The following NKAIN2 variants were observed in gnomAD, a reference collection of about 807,000 sequenced individuals.
NKAIN2 encodes sodium/potassium-transporting ATPase subunit beta-1-interacting protein 2.
In NKAIN2, 14 loss-of-function variants were observed where a neutral mutation model predicts 32.6. The observed-to-expected ratio is 0.43, with a 90% confidence interval of 0.28 to 0.67. NKAIN2 has a LOEUF of 0.67. NKAIN2 is among the 30% of genes least tolerant of loss of function. The pLI, the probability that NKAIN2 is intolerant of heterozygous loss-of-function variation, is 0.17. For missense variants in NKAIN2, 198 were observed against 258.3 expected (o/e 0.77, Z 1.60); for synonymous variants, 80 against 87.2 (o/e 0.92, Z 0.46).
intron 1 of NKAIN2, among the ~76,000 whole-genome samples, chr6:123,898,740 A>G (rs377408327): frequency 2.2e-4 from 33 of 152,208 alleles, no homozygotes; most frequent in African/African-American, 7.2e-4. Context: ...GTTGAAATCA[A>G]TTTACCAAAG....
chr6:124,509,008 A>C (rs569839780), intron 3 of NKAIN2, among the ~76,000 whole-genome samples: 1 of 152,262 alleles, frequency 6.6e-6, no homozygotes, highest in East Asian at 1.9e-4. Flanking sequence ...CCTACCTATA[A>C]ATAAGGTTAC....
At chr6:124,606,359 G>A (rs1053333591) in intron 3 of NKAIN2, among the ~76,000 whole-genome samples, 6 of 152,086 alleles carry the variant, frequency 3.9e-5, no homozygotes, top group East Asian at 1.9e-4. Context: ...GAGAGAAAGA[G>A]TAGAAGTGAA....
rs146815057 is a variant in NKAIN2, at chr6:124,569,855, C to G, written c.274-88331C>G. On this transcript the variant is annotated intron_variant, in intron 3 of 6. Coordinates refer to ENST00000368417, the MANE Select transcript of NKAIN2 (RefSeq NM_001040214.3). ...TGGAAACAACTTTGGAACTGGGTAACAGGCAGAGGTTGGAATAGTTTGGAG... is the reference window on the plus strand; with the variant it reads ...TGGAAACAACTTTGGAACTGGGTAAGAGGCAGAGGTTGGAATAGTTTGGAG... Among the ~76,000 whole-genome samples, 1,195 of 152,242 alleles carry G rather than the reference C, an allele frequency of 7.8e-3. 15 individuals are homozygous for G. The highest frequency in any genetic ancestry group is 0.026 in the African/African-American group (1,085 of 41,532).
At chr6:124,709,395 A>T (rs1401585897) in intron 4 of NKAIN2, among the ~76,000 whole-genome samples, 3 of 151,052 alleles carry the variant, frequency 2.0e-5, no homozygotes, top group Non-Finnish European at 3.0e-5. Context: ...TATTGATTGG[A>T]ATAGTTTCAG....
At chr6:124,686,599 AC>A (rs1161559759) in intron 4 of NKAIN2, among the ~76,000 whole-genome samples, 1 of 152,150 alleles carries the variant, frequency 6.6e-6, no homozygotes, top group Non-Finnish European at 1.5e-5. Context: ...CTCACCTCCA[AC>A]ATTGGGTATT....
chr6:124,794,937 G>C (rs1480045411), intron 5 of NKAIN2: 1 of 575,270 alleles, frequency 1.7e-6, no homozygotes, highest in Non-Finnish European at 2.2e-6. Flanking sequence ...AAATTATCCT[G>C]ATCCTTAAAA....
chr6:124,613,176 G>T (rs1192385879), intron 3 of NKAIN2, among the ~76,000 whole-genome samples: 1 of 152,066 alleles, frequency 6.6e-6, no homozygotes, highest in Non-Finnish European at 1.5e-5. Context: ...AGAGTCCAAT[G>T]GGAAGTGAGG....
chr6:124,175,906 G>A (rs1437356383), intron 1 of NKAIN2, among the ~76,000 whole-genome samples: 1 of 151,952 alleles, frequency 6.6e-6, no homozygotes, highest in Non-Finnish European at 1.5e-5. Flanking sequence ...CATCACATGT[G>A]TAGATTTATG....
intron 1 of NKAIN2, among the ~76,000 whole-genome samples, chr6:124,117,697 C>G (rs975913682): frequency 6.6e-6 from 1 of 151,792 alleles, no homozygotes; most frequent in Non-Finnish European, 1.5e-5. Context: ...TTGGTTATTA[C>G]ATTCAAATTA....
chr6:124,272,918 T>C (rs1794861813), intron 1 of NKAIN2, among the ~76,000 whole-genome samples: 1 of 152,226 alleles, frequency 6.6e-6, no homozygotes, highest in Non-Finnish European at 1.5e-5. Context: ...GTGGCCACTT[T>C]GTTTTGGCAC....
rs574603812 is a variant in NKAIN2, at chr6:124,481,097, G to C, written c.273+125750G>C. 4.6e-5 allele frequency among the ~76,000 whole-genome samples: 7 copies of C among 152,008 alleles called. No individual in the cohort carries two copies. The South Asian group carries it at 1.2e-3, about 27-fold the overall frequency. ...TGGAGAAATCATGTCAAAAGGAATG[G>C]GGGAAATGATCTTAAAGCAACATCT... On this transcript the variant is annotated intron_variant, in intron 3 of 6. Coordinates refer to ENST00000368417, the MANE Select transcript of NKAIN2 (RefSeq NM_001040214.3).
chr6:123,856,296 C>T (rs750438401), intron 1 of NKAIN2, among the ~76,000 whole-genome samples: 2 of 152,052 alleles, frequency 1.3e-5, no homozygotes, highest in Admixed American at 1.3e-4. Context: ...ATTGTTAAGC[C>T]GAGAAACTGT....
Position 124,418,586 on chromosome 6 carries a change from A to C in NKAIN2, c.273+63239A>C, listed in dbSNP as rs1191361881. On this transcript the variant is annotated intron_variant, in intron 3 of 6. Coordinates refer to ENST00000368417, the MANE Select transcript of NKAIN2 (RefSeq NM_001040214.3). The stretch of plus-strand genomic sequence containing the variant: ...AATATATATATAATATCTATAAACT[A>C]TATATATAAAACTATACAGTTAACT... Among the ~76,000 whole-genome samples, 3 of 148,382 alleles carry C rather than the reference A, an allele frequency of 2.0e-5. No homozygotes were observed. The Admixed American group carries it at 2.0e-4, about 10-fold the overall frequency.
chr6:124,396,424 T>C (rs570655914), intron 3 of NKAIN2, among the ~76,000 whole-genome samples: 1 of 144,508 alleles, frequency 6.9e-6, no homozygotes, highest in Non-Finnish European at 1.5e-5. Flanking sequence ...ACCTGCTATT[T>C]GATTAAAAAA....
At chr6:124,327,992 T>A (rs1797491498) in intron 2 of NKAIN2, among the ~76,000 whole-genome samples, 1 of 152,230 alleles carries the variant, frequency 6.6e-6, no homozygotes, top group Non-Finnish European at 1.5e-5. Flanking sequence ...ATAAGTACTT[T>A]GTAAAACATT....
intron 5 of NKAIN2, among the ~76,000 whole-genome samples, chr6:124,814,312 C>T (rs1300607702): frequency 6.6e-6 from 1 of 152,198 alleles, no homozygotes; most frequent in East Asian, 1.9e-4. Flanking sequence ...GTCTCCTTGG[C>T]TGTGAACTCA....
At chr6:124,641,575 A>G (rs184550014) in intron 3 of NKAIN2, among the ~76,000 whole-genome samples, 1,115 of 26,254 alleles carry the variant, frequency 0.042, 39 homozygotes, top group African/African-American at 0.13. Context: ...TTTTTGAGAC[A>G]GTGTCTTGCT....
chr6:124,009,899 T>C (rs1371893982), intron 1 of NKAIN2, among the ~76,000 whole-genome samples: 1 of 152,108 alleles, frequency 6.6e-6, no homozygotes, highest in East Asian at 1.9e-4. Context: ...GTGTATAAAA[T>C]GTGTATATAT....
chr6:124,025,676 G>A (rs1250529403), intron 1 of NKAIN2, among the ~76,000 whole-genome samples: 1 of 152,182 alleles, frequency 6.6e-6, no homozygotes, highest in Non-Finnish European at 1.5e-5. Context: ...GCTAAGAGCA[G>A]ATTTAAGTGT....
Sources: gnomAD v4.1 joint callset for allele counts (sites outside exome capture counted in the v4.1 genomes callset) on GRCh38, gnomAD v4.1.1 for gene constraint, MANE v1.5 for transcripts, NCBI Gene and HGNC (gene_info 2026-07-23, HGNC 2026-07-21) for gene names.